Variants in NRXN1 observed in about 807,000 individuals in gnomAD.
The protein encoded by NRXN1 is neurexin-1.
A neutral mutation model predicts 150.9 loss-of-function variants in NRXN1; 39 were observed. That is an observed-to-expected ratio of 0.26 (90% confidence interval 0.20 to 0.34). The LOEUF (loss-of-function observed/expected upper bound fraction) is 0.34, where lower values mean the gene tolerates loss of function less well. Among genes scored for constraint, NRXN1 ranks in the 10% least tolerant of loss-of-function variants. The pLI is 1.00. For synonymous variants in NRXN1, 924 were observed against 757.0 expected, an observed-to-expected ratio of 1.22 and a Z score of -3.62; for missense variants, 1,815 against 1,949.9, an observed-to-expected ratio of 0.93 and a Z score of 1.30.
intron 2 of NRXN1, chr2:50,963,987 T>C (rs1693633500): frequency 9.0e-6 from 4 of 442,146 alleles, no homozygotes; most frequent in Non-Finnish European, 1.8e-5. Context: ...TGTCCTTCTC[T>C]TTATGAAAAA....
chr2:50,322,968 T>G (rs999372991), intron 17 of NRXN1, among the ~76,000 whole-genome samples: 4 of 152,190 alleles, frequency 2.6e-5, no homozygotes, highest in African/African-American at 9.7e-5. Flanking sequence ...TTTGAAAAGT[T>G]GAAATGATTT....
chr2:50,725,558 C>T (rs1011079532), intron 5 of NRXN1, among the ~76,000 whole-genome samples: 6 of 152,058 alleles, frequency 3.9e-5, no homozygotes, highest in Non-Finnish European at 4.4e-5. Context: ...ACTATTATCA[C>T]GGTGTTAACT....
Position 50,933,280 on chromosome 2 carries a change from T to G in NRXN1, c.773-7325A>C, listed in dbSNP as rs185106429. Among the ~76,000 whole-genome samples, 9 of 152,238 alleles carry G rather than the reference T, an allele frequency of 5.9e-5. No homozygotes were observed. In the East Asian group the frequency reaches 1.7e-3, roughly 29 times the overall value. On this transcript the variant is annotated intron_variant, in intron 2 of 22. Transcript: ENST00000401669. The stretch of plus-strand genomic sequence containing the variant: ...AACATCTGAAACAAAATGACACTTT[T>G]GTTCAAAGCCAAATATTTTGGTAGG...
Position 50,266,409 on chromosome 2 carries a change from T to C in NRXN1, c.3365-29439A>G, listed in dbSNP as rs1356922017. Among the ~76,000 whole-genome samples the C allele has an allele frequency of 2.7e-5, 4 of 148,158 alleles. No homozygotes were observed. The Admixed American group carries it at 2.7e-4, about 10-fold the overall frequency. ...ATATTATATACTATAAATGTATATA[T>C]AATGTTTATAAATTTTTATATATGC... On this transcript the variant is annotated intron_variant, in intron 17 of 22. Transcript: ENST00000401669.
At chr2:50,640,351 T>C (rs555616148) in intron 5 of NRXN1, among the ~76,000 whole-genome samples, 2 of 152,296 alleles carry the variant, frequency 1.3e-5, no homozygotes, top group African/African-American at 4.8e-5. Context: ...TCACAAAACC[T>C]TATGGTTCTT....
intron 17 of NRXN1, among the ~76,000 whole-genome samples, chr2:50,390,760 C>A (rs550414040): frequency 1.5e-4 from 23 of 152,092 alleles, no homozygotes; most frequent in Non-Finnish European, 3.4e-4. Flanking sequence ...CTCCCCTCAA[C>A]ACACACATTT....
intron 17 of NRXN1, among the ~76,000 whole-genome samples, chr2:50,266,976 C>T (rs556385488): frequency 5.3e-5 from 8 of 152,206 alleles, no homozygotes; most frequent in Non-Finnish European, 1.0e-4. Context: ...AGCATAGCTA[C>T]CTAGGGAATT....
At chr2:50,254,762 T>G (rs1177252007) in intron 17 of NRXN1, among the ~76,000 whole-genome samples, 1 of 152,172 alleles carries the variant, frequency 6.6e-6, no homozygotes. Flanking sequence ...AAGATGGCAG[T>G]AAGAGTAAAG....
intron 22 of NRXN1, chr2:49,926,283 G>A: frequency 2.5e-6 from 1 of 398,330 alleles, no homozygotes; most frequent in Non-Finnish European, 4.4e-6. Context: ...TATAAAGCAT[G>A]TTACCTTAAA....
At chr2:50,440,328 C>T (rs1319491532) in intron 17 of NRXN1, among the ~76,000 whole-genome samples, 3 of 151,858 alleles carry the variant, frequency 2.0e-5, no homozygotes, top group African/African-American at 7.3e-5. Flanking sequence ...GATGGGATGC[C>T]GAGAGTATGT....
At chr2:51,017,219 G>T (rs1270389919) in intron 2 of NRXN1, among the ~76,000 whole-genome samples, 1 of 151,860 alleles carries the variant, frequency 6.6e-6, no homozygotes, top group Non-Finnish European at 1.5e-5. Flanking sequence ...AAACCTACGT[G>T]CTCTGCCCGT....
intron 17 of NRXN1, among the ~76,000 whole-genome samples, chr2:50,356,921 T>C (rs2078857942): frequency 6.6e-6 from 1 of 152,024 alleles, no homozygotes; most frequent in Admixed American, 6.6e-5. Flanking sequence ...TACAAGAAAA[T>C]ATCTAGACTT....
At chr2:50,499,288 C>G (rs1441846473) in intron 13 of NRXN1, among the ~76,000 whole-genome samples, 4 of 152,180 alleles carry the variant, frequency 2.6e-5, no homozygotes, top group Non-Finnish European at 4.4e-5. Context: ...AAACAACATT[C>G]TACTCATCCT....
chr2:50,640,501 C>A (rs1413706289), intron 5 of NRXN1, among the ~76,000 whole-genome samples: 1 of 152,150 alleles, frequency 6.6e-6, no homozygotes, highest in African/African-American at 2.4e-5. Context: ...CCTCCCCTTT[C>A]CCAATTAATA....
At chr2:50,337,143 T>C (rs1170352901) in intron 17 of NRXN1, among the ~76,000 whole-genome samples, 1 of 149,722 alleles carries the variant, frequency 6.7e-6, no homozygotes, top group East Asian at 2.0e-4. Context: ...GAGTGTGCAA[T>C]GGCTTGATCT....
chr2:49,955,715 GA>G lies in NRXN1; in HGVS notation c.4129-11925del, dbSNP rs72369095. Among the ~76,000 whole-genome samples, 669 of 148,762 alleles carry G rather than the reference GA, an allele frequency of 4.5e-3. 10 individuals carry two copies. The highest frequency in any genetic ancestry group is 0.015 in the African/African-American group (621 of 40,626). Reference sequence around the variant, plus strand: ...AATGCTTTTACTTAGTTGCAAAAAAGAAAAAAAAACTATTCCTTTGTAATGT... The same window carrying G: ...AATGCTTTTACTTAGTTGCAAAAAAGAAAAAAAACTATTCCTTTGTAATGT... On this transcript the variant is annotated intron_variant, in intron 21 of 22. Transcript: ENST00000401669.
At chr2:50,116,449 G>A (rs1018156194) in intron 18 of NRXN1, among the ~76,000 whole-genome samples, 24 of 152,172 alleles carry the variant, frequency 1.6e-4, no homozygotes, top group African/African-American at 5.8e-4. Context: ...TGAATCATAT[G>A]TTTAAACACC....
At chr2:50,371,444 T>C (rs2080019895) in intron 17 of NRXN1, among the ~76,000 whole-genome samples, 1 of 152,044 alleles carries the variant, frequency 6.6e-6, no homozygotes. Flanking sequence ...TAACAAAAAA[T>C]CAAATATTTT....
chr2:50,352,773 TAATATTATAATAATA>T (rs1341703725), intron 17 of NRXN1, among the ~76,000 whole-genome samples: 3 of 107,568 alleles, frequency 2.8e-5, no homozygotes, highest in African/African-American at 1.0e-4. Context: ...ATAATAATAA[TAATATTATAATAATA>T]ATAATAATAA....
Sources: allele counts gnomAD v4.1 joint callset (sites outside exome capture counted in the v4.1 genomes callset), GRCh38; gene constraint gnomAD v4.1.1; transcripts MANE v1.5; gene names NCBI Gene and HGNC (gene_info 2026-07-23, HGNC 2026-07-21).